Variants in GREB1L observed in about 807,000 individuals in gnomAD.
GREB1L encodes GREB1-like protein.
In GREB1L, 17 loss-of-function variants were observed where a neutral mutation model predicts 200.8. The ratio of observed to expected loss-of-function variants is 0.08; its 90% CI spans 0.06 to 0.13. GREB1L has a LOEUF of 0.13. Among genes scored for constraint, GREB1L ranks in the 10% least tolerant of loss-of-function variants. The probability of loss-of-function intolerance (pLI) is 1.00; values close to 1 mark genes in which losing one functional copy is unlikely to be tolerated. For synonymous variants in GREB1L, 789 were observed against 893.0 expected, an observed-to-expected ratio of 0.88 and a Z score of 2.08; for missense variants, 1,657 against 2,367.7, an observed-to-expected ratio of 0.70 and a Z score of 6.23.
chr18:21,470,671 G>A (rs770628421), intron 15 of GREB1L, among the ~76,000 whole-genome samples: 8 of 151,834 alleles, frequency 5.3e-5, no homozygotes, highest in Non-Finnish European at 1.0e-4. Flanking sequence ...GTTCTTACTT[G>A]TTTTGTTTCT....
chr18:21,457,513 C>G (rs1159104229), intron 15 of GREB1L, among the ~76,000 whole-genome samples: 3 of 152,174 alleles, frequency 2.0e-5, no homozygotes, highest in Non-Finnish European at 4.4e-5. Context: ...AGGGTAACCA[C>G]TGTTAAAATG....
intron 15 of GREB1L, 58 bp downstream of exon 15, chr18:21,454,621 C>G (rs2034671448): frequency 7.6e-7 from 1 of 1,309,210 alleles, no homozygotes. Context: ...TCCCCTCTGC[C>G]TCTTTCTTTT....
chr18:21,244,694 T>C (rs188344619), intron 1 of GREB1L, among the ~76,000 whole-genome samples: 1 of 152,340 alleles, frequency 6.6e-6, no homozygotes, highest in Non-Finnish European at 1.5e-5. Context: ...GTTTAAACTA[T>C]ATCCCTGCTC....
At chr18:21,440,852 T>C (rs1054634783) in intron 9 of GREB1L, among the ~76,000 whole-genome samples, 1 of 152,250 alleles carries the variant, frequency 6.6e-6, no homozygotes, top group African/African-American at 2.4e-5. Flanking sequence ...AACATTTGTC[T>C]ACCTTGCTGA....
intron 2 of GREB1L, among the ~76,000 whole-genome samples, chr18:21,372,925 TTTTTC>T (rs928169062): frequency 3.4e-4 from 51 of 152,028 alleles, no homozygotes; most frequent in African/African-American, 9.7e-4. Context: ...CAATTTTTCC[TTTTTC>T]TTTTCTTTTC....
chr18:21,366,660 G>A (rs2039690968), intron 2 of GREB1L, among the ~76,000 whole-genome samples: 1 of 125,682 alleles, frequency 8.0e-6, no homozygotes, highest in Non-Finnish European at 1.6e-5. Context: ...TGCTTGCTTA[G>A]AATTGAGAAT....
At position 21,383,508 on chromosome 18, in the gene GREB1L, AG is replaced by A. The variant is rs1270648429; in HGVS notation, c.-9del. 1 of 1,516,018 alleles carries A rather than the reference AG, an allele frequency of 6.6e-7. No individual in the cohort carries two copies. Among genetic ancestry groups the A allele is most frequent in the Admixed American group, 2.4e-5 (1 of 41,106 alleles). 93.9% of individuals were successfully genotyped at this position (1,516,018 alleles called of 1,614,324 possible). ...TTTCTTCTTTTTCTTGGGGATGGGT[AG>A]GTGTAGATCATGGGGAATTCATATG... On this transcript the variant is annotated splice_acceptor_variant, in intron 2 of 32. Transcript: ENST00000424526. LOFTEE classifies it low-confidence loss of function (5UTR_SPLICE).
intron 1 of GREB1L, among the ~76,000 whole-genome samples, chr18:21,308,853 G>T (rs2038744675): frequency 6.6e-6 from 1 of 152,160 alleles, no homozygotes; most frequent in Non-Finnish European, 1.5e-5. Flanking sequence ...GAAATCATCA[G>T]CTTGTTTAGT....
intron 1 of GREB1L, among the ~76,000 whole-genome samples, chr18:21,280,268 TC>T (rs1435159591): frequency 5.3e-5 from 8 of 152,248 alleles, no homozygotes; most frequent in African/African-American, 1.9e-4. Flanking sequence ...TCTTGCCTGT[TC>T]CCAGAATGTC....
intron 1 of GREB1L, among the ~76,000 whole-genome samples, chr18:21,265,768 T>A (rs2037956823): frequency 1.3e-5 from 2 of 152,190 alleles, no homozygotes; most frequent in African/African-American, 2.4e-5. Flanking sequence ...TCTTTTTTTT[T>A]ATGGGCTTAT....
intron 4 of GREB1L, among the ~76,000 whole-genome samples, chr18:21,386,785 G>C (rs1346759622): frequency 6.6e-6 from 1 of 152,030 alleles, no homozygotes; most frequent in Non-Finnish European, 1.5e-5. Context: ...GATTACAGGC[G>C]TGAGCCACCA....
At position 21,439,385 on chromosome 18, in the gene GREB1L, T is replaced by C. The variant is rs1001672444; in HGVS notation, c.833-136T>C. 5 of 540,586 alleles carry C rather than the reference T, an allele frequency of 9.2e-6. 1 individual carries two copies. The African/African-American group carries it at 9.6e-5, about 10-fold the overall frequency. 33.5% of individuals were successfully genotyped at this position (540,586 alleles called of 1,614,324 possible). ...CCTCTGACAGTTGCAGTTGGTTTTG[T>C]ATAACTGGACTGAGTCCTATCCGTG... On this transcript the variant is annotated intron_variant, in intron 7 of 32. Transcript: ENST00000424526.
chr18:21,464,961 G>T (rs2035209225), intron 15 of GREB1L, among the ~76,000 whole-genome samples: 1 of 152,146 alleles, frequency 6.6e-6, no homozygotes, highest in African/African-American at 2.4e-5. Context: ...TGACAACCAA[G>T]TATAATAATT....
At chr18:21,422,941 T>A (rs1428030896) in intron 7 of GREB1L, among the ~76,000 whole-genome samples, 1 of 152,164 alleles carries the variant, frequency 6.6e-6, no homozygotes, top group Non-Finnish European at 1.5e-5. Flanking sequence ...AAATCTGTGT[T>A]TTTTCTTTAG....
chr18:21,510,551 A>G (rs1447219094), intron 27 of GREB1L, among the ~76,000 whole-genome samples: 1 of 152,208 alleles, frequency 6.6e-6, no homozygotes, highest in Non-Finnish European at 1.5e-5. Flanking sequence ...ATAATATTCC[A>G]TTTTATGTAT....
intron 1 of GREB1L, among the ~76,000 whole-genome samples, chr18:21,353,113 C>G (rs1214505052): frequency 6.6e-6 from 1 of 150,436 alleles, no homozygotes; most frequent in South Asian, 2.1e-4. Context: ...ACCTGGGAAG[C>G]GGAACTTGCA....
At chr18:21,384,464 T>C (rs1181230382) in intron 4 of GREB1L, 61 bp downstream of exon 4, 1 of 1,327,508 alleles carries the variant, frequency 7.5e-7, no homozygotes, top group Non-Finnish European at 1.0e-6. Flanking sequence ...GACATATTTC[T>C]AATTATTACA....
rs138148695 is a variant in GREB1L at position 21,353,621 on chromosome 18, A to G, written c.-119-12406A>G. Among the ~76,000 whole-genome samples, 10 of 152,362 alleles carry G rather than the reference A, an allele frequency of 6.6e-5. No individual in the cohort carries two copies. The East Asian group carries it at 1.2e-3, about 18-fold the overall frequency. ...AAGAAAGCTAAACTTTCACTATAAC[A>G]TAATAAATGCTGGTAATATATGTGA... On this transcript the variant is annotated intron_variant, in intron 1 of 32. Coordinates refer to ENST00000424526, the MANE Select transcript of GREB1L (RefSeq NM_001142966.3).
intron 18 of GREB1L, among the ~76,000 whole-genome samples, chr18:21,488,165 G>A (rs1313666320): frequency 1.1e-4 from 16 of 152,110 alleles, no homozygotes; most frequent in Middle Eastern, 3.4e-3. Context: ...TTAGCTGGGC[G>A]CATGCCTGTA....
Sources: gnomAD v4.1 joint callset for allele counts (sites outside exome capture counted in the v4.1 genomes callset) on GRCh38, gnomAD v4.1.1 for gene constraint, MANE v1.5 for transcripts, NCBI Gene and HGNC (gene_info 2026-07-23, HGNC 2026-07-21) for gene names.